The following ADAM12 variants were observed in gnomAD, a reference collection of about 807,000 sequenced individuals.
ADAM12 encodes the protein disintegrin and metalloproteinase domain-containing protein 12.
Under a neutral mutation model 106.4 loss-of-function variants are expected in ADAM12, and 70 were observed. The observed-to-expected ratio is 0.66, with a 90% CI of 0.54 to 0.80. The LOEUF (loss-of-function observed/expected upper bound fraction) is 0.80, where lower values mean the gene tolerates loss of function less well. Ranked by LOEUF, ADAM12 falls within the 30% of genes least tolerant of loss-of-function variation. The pLI, the probability that ADAM12 is intolerant of heterozygous loss-of-function variation, is 0.00. For synonymous variants in ADAM12, 420 were observed against 433.5 expected (o/e 0.97, Z 0.39); for missense variants, 1,010 against 1,171.9 (o/e 0.86, Z 2.02).
At chr10:126,108,360 G>A (rs1317615222) in intron 8 of ADAM12, among the ~76,000 whole-genome samples, 2 of 152,174 alleles carry the variant, frequency 1.3e-5, no homozygotes, top group African/African-American at 4.8e-5. Flanking sequence ...GACCGGAAGA[G>A]AGCCTGGAGG....
rs1043435379 is a variant in ADAM12, at chr10:126,015,328, G to T, written c.*1951C>A. On this transcript the variant is annotated 3_prime_UTR_variant, in exon 23 of 23. Coordinates refer to ENST00000448723, the MANE Select transcript of ADAM12 (RefSeq NM_001288973.2). Reference sequence around the variant, plus strand: ...TAACATGCCAGATCTAAGGATTTGGGCATCTAAAAAGACAATGCCCACGTA... The same window carrying T: ...TAACATGCCAGATCTAAGGATTTGGTCATCTAAAAAGACAATGCCCACGTA... 4 of 152,138 alleles carry T rather than the reference G, an allele frequency of 2.6e-5. No homozygotes were observed. The highest frequency in any genetic ancestry group is 2.9e-5 in the Non-Finnish European group (2 of 68,008). 9.4% of individuals were successfully genotyped at this position (152,138 alleles called of 1,614,324 possible).
intron 4 of ADAM12, among the ~76,000 whole-genome samples, chr10:126,154,308 T>C (rs1254095444): frequency 3.3e-5 from 5 of 152,240 alleles, no homozygotes; most frequent in African/African-American, 1.2e-4. Flanking sequence ...TAAATGTTTA[T>C]ATTTTATCCT....
At chr10:126,076,049 T>C (rs750434716) in intron 11 of ADAM12, among the ~76,000 whole-genome samples, 7 of 152,178 alleles carry the variant, frequency 4.6e-5, no homozygotes, top group Non-Finnish European at 8.8e-5. Context: ...TAGTACCCAA[T>C]AGGTGGTTTT....
At chr10:126,363,996 G>A (rs1855824723) in intron 1 of ADAM12, among the ~76,000 whole-genome samples, 1 of 152,042 alleles carries the variant, frequency 6.6e-6, no homozygotes, top group Non-Finnish European at 1.5e-5. Context: ...AGAATATTTT[G>A]ATAAGGGGAA....
At chr10:126,193,994 T>C (rs1467965735) in intron 3 of ADAM12, among the ~76,000 whole-genome samples, 1 of 151,796 alleles carries the variant, frequency 6.6e-6, no homozygotes, top group African/African-American at 2.4e-5. Flanking sequence ...GGGGTTGATT[T>C]GGAAACAGAG....
intron 3 of ADAM12, among the ~76,000 whole-genome samples, chr10:126,160,325 G>A (rs542818030): frequency 2.6e-5 from 4 of 152,136 alleles, no homozygotes; most frequent in South Asian, 2.1e-4. Context: ...ACAAAAACAC[G>A]CAATGATATG....
intron 1 of ADAM12, among the ~76,000 whole-genome samples, chr10:126,357,986 G>A (rs368963218): frequency 1.6e-4 from 25 of 152,086 alleles, no homozygotes; most frequent in African/African-American, 4.6e-4. Flanking sequence ...TTCCAAATGC[G>A]TTACCCTGAT....
intron 3 of ADAM12, among the ~76,000 whole-genome samples, chr10:126,239,750 T>G (rs903807099): frequency 6.6e-6 from 1 of 152,208 alleles, no homozygotes; most frequent in Non-Finnish European, 1.5e-5. Context: ...CAAAATCTTG[T>G]GAGGTTGAAA....
chr10:126,057,922 C>T (rs562022188), intron 14 of ADAM12, among the ~76,000 whole-genome samples: 6 of 152,330 alleles, frequency 3.9e-5, no homozygotes, highest in Non-Finnish European at 7.4e-5. Context: ...TTGGAGCTAA[C>T]TTTCCTATCT....
intron 2 of ADAM12, among the ~76,000 whole-genome samples, chr10:126,289,698 A>T (rs888947828): frequency 1.3e-5 from 2 of 152,200 alleles, no homozygotes; most frequent in African/African-American, 4.8e-5. Context: ...AGCAACAAAG[A>T]ACTATTTCAT....
At chr10:126,123,570 C>CACTCTTCTACCT (rs756486499) in intron 5 of ADAM12, among the ~76,000 whole-genome samples, 7 of 152,186 alleles carry the variant, frequency 4.6e-5, no homozygotes, top group Non-Finnish European at 1.0e-4. Context: ...CCCCCTGTGG[C>CACTCTTCTACCT]ACTCTTCTAG....
At chr10:126,051,536 CCCAT>C (rs61278142) in intron 14 of ADAM12, among the ~76,000 whole-genome samples, 4,113 of 118,820 alleles carry the variant, frequency 0.035, 102 homozygotes, top group Non-Finnish European at 0.042. Context: ...CAGCCAGCCA[CCCAT>C]CCATCCATCC....
chr10:126,036,258 A>C lies in ADAM12; in HGVS notation c.2417T>G (p.Val806Gly). Residue 806 changes from valine (V) to glycine (G), a missense_variant, in exon 21 of 23, where the codon GTC (valine) becomes GGC (glycine). Physicochemically the swap from Val to Gly is moderately radical, Grantham distance 109. Around this residue, in one of 3 missense-constraint regions of ADAM12, gnomAD observed 615 missense variants for 708.5 expected, o/e 0.87. Coordinates refer to ENST00000448723, the MANE Select transcript of ADAM12 (RefSeq NM_001288973.2). ...DISRPLNGLN[V>G]PQPQSTQRVL... The stretch of plus-strand genomic sequence containing the variant: ...TCGCTGAGTTGACTGGGGCTGAGGG[A>C]CATTCAGGCCGTTGAGGGGTCTGCT... 6.4e-7 allele frequency: 1 copy of C among 1,561,020 alleles called. No homozygotes were observed. The highest frequency in any genetic ancestry group is 1.2e-5 in the South Asian group (1 of 82,744).
At chr10:126,119,572 A>G (rs1170321327) in intron 5 of ADAM12, among the ~76,000 whole-genome samples, 2 of 152,208 alleles carry the variant, frequency 1.3e-5, no homozygotes, top group Admixed American at 1.3e-4. Flanking sequence ...AAAATATAGC[A>G]TTAAAAATAT....
chr10:126,186,831 C>T (rs955416414), intron 3 of ADAM12, among the ~76,000 whole-genome samples: 1 of 152,180 alleles, frequency 6.6e-6, no homozygotes, highest in Admixed American at 6.5e-5. Flanking sequence ...GACATTTCTG[C>T]AGGATGGACA....
At chr10:126,216,009 C>A (rs1013476885) in intron 3 of ADAM12, among the ~76,000 whole-genome samples, 1 of 152,304 alleles carries the variant, frequency 6.6e-6, no homozygotes, top group African/African-American at 2.4e-5. Context: ...GCAATATTCC[C>A]TTTCCCCAAG....
intron 3 of ADAM12, among the ~76,000 whole-genome samples, chr10:126,203,784 T>C (rs1170990513): frequency 6.6e-6 from 1 of 152,232 alleles, no homozygotes; most frequent in Non-Finnish European, 1.5e-5. Flanking sequence ...TTGGGCAATG[T>C]GAGAGTGTGA....
intron 3 of ADAM12, among the ~76,000 whole-genome samples, chr10:126,194,979 G>A (rs1957569980): frequency 6.6e-6 from 1 of 152,108 alleles, no homozygotes; most frequent in African/African-American, 2.4e-5. Context: ...TTTAAGCTAA[G>A]GTCGCATGAT....
At chr10:126,359,181 C>T (rs1855652339) in intron 1 of ADAM12, among the ~76,000 whole-genome samples, 1 of 152,166 alleles carries the variant, frequency 6.6e-6, no homozygotes, top group Admixed American at 6.5e-5. Context: ...CAGGTTCCTT[C>T]CACAACACAT....
Sources: allele counts gnomAD v4.1 joint callset (sites outside exome capture counted in the v4.1 genomes callset), GRCh38; gene constraint gnomAD v4.1.1; regional missense constraint gnomAD v4.1.1; transcripts MANE v1.5; gene names NCBI Gene and HGNC (gene_info 2026-07-23, HGNC 2026-07-21).